WWOX: variants seen among roughly 807,000 people sequenced by gnomAD.
WWOX encodes the protein WW domain-containing oxidoreductase.
WWOX carries 69 observed loss-of-function variants against 46.2 expected under a neutral mutation model. The observed-to-expected ratio is 1.49, with a 90% CI of 1.23 to 1.82. The LOEUF (loss-of-function observed/expected upper bound fraction) is 1.82, where lower values mean the gene tolerates loss of function less well. Among genes scored for constraint, WWOX ranks in the 40% most tolerant of loss-of-function variants. WWOX has a pLI of 0.00. For missense variants in WWOX, 919 were observed against 542.6 expected (o/e 1.69, Z -6.89); for synonymous variants, 359 against 202.6 (o/e 1.77, Z -6.56).
chr16:78,562,401 C>T (rs16948088), intron 8 of WWOX, among the ~76,000 whole-genome samples: 3,138 of 152,296 alleles, frequency 0.021, 45 homozygotes, highest in African/African-American at 0.041. Context: ...GTTAGATTCA[C>T]ACTCCAGGAA....
intron 8 of WWOX, among the ~76,000 whole-genome samples, chr16:78,854,493 C>A (rs1335389438): frequency 6.6e-6 from 1 of 152,198 alleles, no homozygotes; most frequent in Non-Finnish European, 1.5e-5. Flanking sequence ...TTTACTTCTG[C>A]CTATGCATCC....
intron 8 of WWOX, among the ~76,000 whole-genome samples, chr16:78,582,498 T>C (rs2045085252): frequency 6.6e-6 from 1 of 152,210 alleles, no homozygotes; most frequent in Non-Finnish European, 1.5e-5. Context: ...TTTTGGTGTA[T>C]GATGACAGTT....
intron 5 of WWOX, among the ~76,000 whole-genome samples, chr16:78,253,866 A>G (rs1323484139): frequency 6.6e-6 from 1 of 152,242 alleles, no homozygotes; most frequent in East Asian, 1.9e-4. Context: ...GCTTACGTAC[A>G]TGCTTTCGGC....
At position 78,338,079 on chromosome 16, in the gene WWOX, C is replaced by T. The variant is rs1032303146; in HGVS notation, c.517-48781C>T. Among the ~76,000 whole-genome samples, 35 of 121,144 alleles carry T rather than the reference C, an allele frequency of 2.9e-4. 8 individuals carry two copies. Among genetic ancestry groups the T allele is most frequent in the African/African-American group, 9.8e-4 (35 of 35,792 alleles). The allele number at this position is 121,144 out of a possible 152,430, so 79.5% of individuals were successfully genotyped here. A position where few individuals can be genotyped will look rare whatever the true frequency, so the allele number is the denominator to read the frequency against. On this transcript the variant is annotated intron_variant, in intron 5 of 8. Transcript: ENST00000566780. ...TCAAACATGACAGATCAAAAGCCTT[C>T]TGGAAAGGAGAGATGGTAACTAATT... is the stretch of plus-strand genomic sequence containing the variant.
intron 8 of WWOX, among the ~76,000 whole-genome samples, chr16:79,184,391 C>T (rs867166081): frequency 1.3e-5 from 2 of 152,182 alleles, no homozygotes; most frequent in African/African-American, 4.8e-5. Flanking sequence ...TCCATGGGGG[C>T]AGAGACCTGG....
intron 6 of WWOX, among the ~76,000 whole-genome samples, chr16:78,422,793 A>ATATATATATACACATACG (rs2082974660): frequency 7.9e-6 from 1 of 125,826 alleles, no homozygotes; most frequent in Admixed American, 7.8e-5. Flanking sequence ...ATACACACAC[A>ATATATATATACACATACG]CATATATATA....
chr16:78,139,040 G>GT (rs762325886), intron 4 of WWOX, among the ~76,000 whole-genome samples: 2 of 152,012 alleles, frequency 1.3e-5, no homozygotes, highest in East Asian at 3.9e-4. Flanking sequence ...CAATCAGACC[G>GT]TATCTAGAAT....
intron 8 of WWOX, among the ~76,000 whole-genome samples, chr16:78,853,272 G>A (rs768908894): frequency 6.6e-6 from 1 of 152,066 alleles, no homozygotes; most frequent in African/African-American, 2.4e-5. Flanking sequence ...CCAGGCTGGA[G>A]TGCAGTGGCG....
intron 8 of WWOX, among the ~76,000 whole-genome samples, chr16:78,739,493 T>C (rs1026204643): frequency 1.3e-5 from 2 of 152,030 alleles, no homozygotes; most frequent in African/African-American, 4.8e-5. Flanking sequence ...AACAGGTCGG[T>C]AAGAAGAGGG....
At chr16:78,545,396 T>C (rs1183113435) in intron 8 of WWOX, among the ~76,000 whole-genome samples, 1 of 152,286 alleles carries the variant, frequency 6.6e-6, no homozygotes, top group African/African-American at 2.4e-5. Flanking sequence ...AAAAATTCTT[T>C]TTAAAGAGAT....
chr16:78,390,210 G>C (rs1239498721), intron 6 of WWOX, among the ~76,000 whole-genome samples: 1 of 152,192 alleles, frequency 6.6e-6, no homozygotes, highest in African/African-American at 2.4e-5. Flanking sequence ...GAATAACTTT[G>C]TCCAGTTCCT....
chr16:78,834,669 C>A (rs538793458), intron 8 of WWOX, among the ~76,000 whole-genome samples: 5 of 152,116 alleles, frequency 3.3e-5, no homozygotes, highest in African/African-American at 1.2e-4. Flanking sequence ...ATTCCACTGA[C>A]TTCTTAACAG....
chr16:78,928,266 G>C (rs545948659), intron 8 of WWOX, among the ~76,000 whole-genome samples: 1 of 148,226 alleles, frequency 6.7e-6, no homozygotes, highest in Non-Finnish European at 1.5e-5. Flanking sequence ...GCAGTGGCGC[G>C]ATCTCGGCTC....
intron 8 of WWOX, among the ~76,000 whole-genome samples, chr16:78,456,764 T>A (rs893598734): frequency 6.6e-6 from 1 of 152,224 alleles, no homozygotes; most frequent in African/African-American, 2.4e-5. Flanking sequence ...TGTGTAAAAA[T>A]TATCATGCCC....
intron 8 of WWOX, among the ~76,000 whole-genome samples, chr16:78,969,407 T>A (rs1402461802): frequency 5.9e-5 from 9 of 152,048 alleles, no homozygotes; most frequent in Admixed American, 5.9e-4. Context: ...GTAGCTGGGA[T>A]TACAGGGGCA....
chr16:78,881,024 G>T (rs376794818), intron 8 of WWOX, among the ~76,000 whole-genome samples: 2 of 123,608 alleles, frequency 1.6e-5, no homozygotes, highest in Non-Finnish European at 3.2e-5. Context: ...ACAAAGTCTC[G>T]CCCTGTTGCC....
At chr16:78,584,596 T>C (rs1407729773) in intron 8 of WWOX, among the ~76,000 whole-genome samples, 1 of 152,206 alleles carries the variant, frequency 6.6e-6, no homozygotes, top group Non-Finnish European at 1.5e-5. Context: ...TTAGGCATGC[T>C]GTTGAGTGAA....
rs1025450410 is a variant in WWOX, at chr16:78,347,025, G to T, written c.517-39835G>T. 8.4e-5 allele frequency among the ~76,000 whole-genome samples: 10 copies of T among 119,118 alleles called. 3 individuals carry two copies. Among genetic ancestry groups the T allele is most frequent in the Non-Finnish European group, 1.6e-4 (8 of 49,988 alleles). The allele number at this position is 119,118 out of a possible 152,430, so 78.1% of individuals were successfully genotyped here. A position where few individuals can be genotyped will look rare whatever the true frequency, so the allele number is the denominator to read the frequency against. On this transcript the variant is annotated intron_variant, in intron 5 of 8. Coordinates refer to ENST00000566780, the MANE Select transcript of WWOX (RefSeq NM_016373.4). ...CAGGTGTGAGCCACAGCGCCCGGTG[G>T]TCATATCTCTTTCTTGCGTTTTTGT... is the stretch of plus-strand genomic sequence containing the variant.
chr16:78,663,351 A>G (rs918744601), intron 8 of WWOX, among the ~76,000 whole-genome samples: 16 of 152,192 alleles, frequency 1.1e-4, no homozygotes, highest in African/African-American at 3.9e-4. Flanking sequence ...CAATCTAACT[A>G]ATACTTCATC....
Sources: gnomAD v4.1 joint callset for allele counts (sites outside exome capture counted in the v4.1 genomes callset) on GRCh38, gnomAD v4.1.1 for gene constraint, MANE v1.5 for transcripts, NCBI Gene and HGNC (gene_info 2026-07-23, HGNC 2026-07-21) for gene names.